The following FOXK2 variants were observed in gnomAD, a reference collection of about 807,000 sequenced individuals.
FOXK2 encodes the protein forkhead box K2, also known as forkhead box protein K2.
In FOXK2, 24 loss-of-function variants were observed where a neutral mutation model predicts 53.3. The observed-to-expected ratio is 0.45, with a 90% CI of 0.33 to 0.63. The LOEUF is 0.63. Ranked by LOEUF, FOXK2 falls within the 30% of genes least tolerant of loss-of-function variation. The pLI is 0.03. For missense variants in FOXK2, 952 were observed against 910.5 expected (o/e 1.05, Z -0.59); for synonymous variants, 505 against 407.1 (o/e 1.24, Z -2.89).
chr17:82,564,051 T>C (rs2044827029), intron 2 of FOXK2, among the ~76,000 whole-genome samples: 1 of 151,534 alleles, frequency 6.6e-6, no homozygotes, highest in South Asian at 2.1e-4. Flanking sequence ...GCACCTGGCC[T>C]GTTTACTCAT....
In FOXK2 at chr17:82,546,386, G is replaced by A. The variant is rs569770104; in HGVS notation, c.420-16968G>A. Among the ~76,000 whole-genome samples, 17 of 152,078 alleles carry A rather than the reference G, an allele frequency of 1.1e-4. No homozygotes were observed. In the East Asian group the frequency reaches 3.1e-3, roughly 28 times the overall value. On this transcript the variant is annotated intron_variant, in intron 1 of 8. Coordinates refer to ENST00000335255, the MANE Select transcript of FOXK2 (RefSeq NM_004514.4). ...CCTGCCTCGGCCTCCCAGAGTGCTG[G>A]GATCGCAGGCATGAACCACTGCACC...
intron 2 of FOXK2, among the ~76,000 whole-genome samples, chr17:82,565,865 C>T (rs2044846535): frequency 6.6e-6 from 1 of 152,218 alleles, no homozygotes; most frequent in Non-Finnish European, 1.5e-5. Context: ...GTTTTCATAG[C>T]AGCCTTATGC....
chr17:82,533,263 T>C (rs902712189), intron 1 of FOXK2, among the ~76,000 whole-genome samples: 7 of 151,868 alleles, frequency 4.6e-5, no homozygotes, highest in African/African-American at 1.7e-4. Flanking sequence ...GCCAGGCGGG[T>C]GGATCACCTG....
chr17:82,534,427 T>G (rs747184619), intron 1 of FOXK2, among the ~76,000 whole-genome samples: 6 of 152,144 alleles, frequency 3.9e-5, no homozygotes, highest in Admixed American at 2.6e-4. Flanking sequence ...GACCATGAAG[T>G]TGGTGGCTTG....
At position 82,568,043 on chromosome 17, in the gene FOXK2, C is replaced by G; in HGVS notation, c.615-11C>G. 1.3e-6 allele frequency: 2 copies of G among 1,579,512 alleles called. No individual in the cohort carries two copies. The highest frequency in any genetic ancestry group is 1.7e-6 in the Non-Finnish European group (2 of 1,169,322). ...GATAGACTAATAGGAACAACTTTTTCTCTTCCACAGCGCTGCAAACTCCTG... is the reference window on the plus strand; with the variant it reads ...GATAGACTAATAGGAACAACTTTTTGTCTTCCACAGCGCTGCAAACTCCTG... On this transcript the variant is annotated splice_polypyrimidine_tract_variant and intron_variant, in intron 2 of 8. Coordinates refer to ENST00000335255, the MANE Select transcript of FOXK2 (RefSeq NM_004514.4).
intron 4 of FOXK2, among the ~76,000 whole-genome samples, chr17:82,572,824 A>G (rs930437058): frequency 6.6e-6 from 1 of 152,166 alleles, no homozygotes; most frequent in African/African-American, 2.4e-5. Flanking sequence ...GTGCAGGGGC[A>G]ACTGTTTTCT....
chr17:82,584,993 A>G (rs1166994452), intron 6 of FOXK2, among the ~76,000 whole-genome samples: 1 of 152,268 alleles, frequency 6.6e-6, no homozygotes. Context: ...AGTTGACAGA[A>G]AGTGAATTGG....
chr17:82,594,490 T>C (rs1352778284), intron 8 of FOXK2, among the ~76,000 whole-genome samples: 1 of 108,286 alleles, frequency 9.2e-6, no homozygotes, highest in Non-Finnish European at 1.8e-5. Context: ...AGAGCGAGAC[T>C]GTCTCAAAAA....
chr17:82,579,122 AGGCAGTGGCT>A (rs2045026550), intron 4 of FOXK2, among the ~76,000 whole-genome samples: 1 of 152,196 alleles, frequency 6.6e-6, no homozygotes, highest in Non-Finnish European at 1.5e-5. Context: ...CGTCCTTCTC[AGGCAGTGGCT>A]GGGATTGCCA....
At chr17:82,576,595 T>C (rs1248803733) in intron 4 of FOXK2, 3 of 938,106 alleles carry the variant, frequency 3.2e-6, no homozygotes, top group Non-Finnish European at 5.1e-6. Flanking sequence ...TCCAATTCAT[T>C]GGCTGGAGGG....
At chr17:82,549,700 G>A (rs572242634) in intron 1 of FOXK2, among the ~76,000 whole-genome samples, 74 of 152,252 alleles carry the variant, frequency 4.9e-4, no homozygotes, top group Non-Finnish European at 9.4e-4. Flanking sequence ...CACTTACAGA[G>A]CTGCTCATCA....
At chr17:82,526,144 C>T (rs886233611) in intron 1 of FOXK2, among the ~76,000 whole-genome samples, 1 of 152,170 alleles carries the variant, frequency 6.6e-6, no homozygotes, top group African/African-American at 2.4e-5. Flanking sequence ...AGCCGACAGT[C>T]AGTGGCTTCT....
intron 1 of FOXK2, among the ~76,000 whole-genome samples, chr17:82,522,041 CTTTTTTTTTT>C (rs924582731): frequency 1.4e-4 from 15 of 107,268 alleles, no homozygotes; most frequent in Admixed American, 1.0e-3. Context: ...TTTAATCTGA[CTTTTTTTTTT>C]TTTTTTTTTT....
intron 1 of FOXK2, among the ~76,000 whole-genome samples, chr17:82,521,195 C>T (rs1426380490): frequency 6.6e-6 from 1 of 152,088 alleles, no homozygotes; most frequent in Non-Finnish European, 1.5e-5. Context: ...TTTTTTGAGA[C>T]GGAGGCTCAC....
intron 4 of FOXK2, chr17:82,578,668 T>TG (rs1173223537): frequency 6.6e-6 from 1 of 152,262 alleles, no homozygotes; most frequent in Non-Finnish European, 1.5e-5. Context: ...TTTCTTCATT[T>TG]GCCCTTGGAG....
chr17:82,535,120 T>C (rs1313154785), intron 1 of FOXK2, among the ~76,000 whole-genome samples: 5 of 152,234 alleles, frequency 3.3e-5, no homozygotes, highest in Admixed American at 1.3e-4. Flanking sequence ...CCTCAGCTTA[T>C]CCACCTGCCT....
At chr17:82,523,168 G>A (rs762366942) in intron 1 of FOXK2, among the ~76,000 whole-genome samples, 45 of 152,168 alleles carry the variant, frequency 3.0e-4, no homozygotes, top group Non-Finnish European at 6.0e-4. Context: ...ATGGAGGCTG[G>A]GCCTCCCACT....
chr17:82,529,218 C>CTT (rs753569022), intron 1 of FOXK2, among the ~76,000 whole-genome samples: 8,190 of 90,434 alleles, frequency 0.091, 675 homozygotes, highest in South Asian at 0.13. Context: ...TTGAAAGCGC[C>CTT]TTTTTTTTTT....
intron 1 of FOXK2, among the ~76,000 whole-genome samples, chr17:82,536,002 G>T (rs766297961): frequency 3.3e-5 from 5 of 151,688 alleles, no homozygotes; most frequent in Non-Finnish European, 5.9e-5. Flanking sequence ...TCAGCCTCCC[G>T]AAGTGCTGGG....
Sources: allele counts gnomAD v4.1 joint callset (sites outside exome capture counted in the v4.1 genomes callset), GRCh38; gene constraint gnomAD v4.1.1; transcripts MANE v1.5; gene names NCBI Gene and HGNC (gene_info 2026-07-23, HGNC 2026-07-21).